The following CPED1 variants were observed in gnomAD, a reference collection of about 807,000 sequenced individuals.
CPED1 encodes the protein cadherin like and PC-esterase domain containing 1, also known as cadherin-like and PC-esterase domain-containing protein 1.
In CPED1, 114 loss-of-function variants were observed where a neutral mutation model predicts 128.2. That is an observed-to-expected ratio of 0.89 (90% CI 0.76 to 1.04). The LOEUF is 1.04. CPED1 is among the 50% of genes least tolerant of loss of function. CPED1 has a pLI of 0.00. For missense variants in CPED1, 1,211 were observed against 1,207.1 expected, an observed-to-expected ratio of 1.00 and a Z score of -0.05; for synonymous variants, 462 against 426.7, an observed-to-expected ratio of 1.08 and a Z score of -1.02.
At chr7:121,028,363 T>C (rs982022174) in intron 3 of CPED1, among the ~76,000 whole-genome samples, 15 of 152,180 alleles carry the variant, frequency 9.9e-5, no homozygotes, top group African/African-American at 3.1e-4. Flanking sequence ...ATTTAAGTAG[T>C]TAGTAGCCAA....
At chr7:121,021,501 C>T (rs1398397317) in intron 3 of CPED1, among the ~76,000 whole-genome samples, 1 of 151,894 alleles carries the variant, frequency 6.6e-6, no homozygotes, top group Non-Finnish European at 1.5e-5. Context: ...TCACATTTTT[C>T]TTTTTATTTG....
chr7:121,076,523 C>T (rs935034010), intron 5 of CPED1: 8 of 152,128 alleles, frequency 5.3e-5, no homozygotes, highest in Non-Finnish European at 8.8e-5. Context: ...TGGAGATGAA[C>T]AAGTAATTTT....
At chr7:121,089,675 A>G (rs1377429994) in intron 5 of CPED1, among the ~76,000 whole-genome samples, 1 of 152,190 alleles carries the variant, frequency 6.6e-6, no homozygotes, top group African/African-American at 2.4e-5. Context: ...AAAAAAGTTT[A>G]CTATTAATAA....
intron 16 of CPED1, among the ~76,000 whole-genome samples, chr7:121,225,656 T>C (rs1797988891): frequency 6.6e-6 from 1 of 152,164 alleles, no homozygotes; most frequent in Non-Finnish European, 1.5e-5. Context: ...GTCCCATATT[T>C]CTTGGAGGCT....
chr7:121,103,533 G>T (rs1467375638), intron 7 of CPED1, among the ~76,000 whole-genome samples: 1 of 152,040 alleles, frequency 6.6e-6, no homozygotes, highest in Non-Finnish European at 1.5e-5. Context: ...GCTTTCTACT[G>T]GTATTTTTAG....
In CPED1 at chr7:121,186,390, A is replaced by G. The variant is rs142239890; in HGVS notation, c.2055+44249A>G. Among the ~76,000 whole-genome samples, 789 of 152,274 alleles carry G rather than the reference A, an allele frequency of 5.2e-3. 2 individuals carry two copies. Among genetic ancestry groups the G allele is most frequent in the Non-Finnish European group, 7.9e-3 (536 of 67,990 alleles). ...TGTGGGACACTAGCACTTATCTGTT[A>G]TTATAAAATGAGTCCTCATAGCTCT... On this transcript the variant is annotated intron_variant, in intron 16 of 22. Coordinates refer to ENST00000310396, the MANE Select transcript of CPED1 (RefSeq NM_024913.5).
At chr7:121,009,498 T>C (rs1224440253) in intron 2 of CPED1, among the ~76,000 whole-genome samples, 1 of 151,632 alleles carries the variant, frequency 6.6e-6, no homozygotes, top group East Asian at 1.9e-4. Context: ...TCCTAGCTAC[T>C]TGGGAGGCTG....
intron 16 of CPED1, among the ~76,000 whole-genome samples, chr7:121,170,350 A>T (rs1232879944): frequency 6.6e-6 from 1 of 152,046 alleles, no homozygotes; most frequent in Non-Finnish European, 1.5e-5. Flanking sequence ...GGAGTAGCTG[A>T]ATTTTTCTGG....
chr7:121,048,514 T>C (rs1451376423), intron 4 of CPED1, among the ~76,000 whole-genome samples: 1 of 151,922 alleles, frequency 6.6e-6, no homozygotes. Context: ...TTTAACCTCT[T>C]AACGTTTTTT....
At chr7:121,244,169 C>A (rs775142971) in intron 17 of CPED1, 33 bp from the exon 18 acceptor site, 1 of 1,614,006 alleles carries the variant, frequency 6.2e-7, no homozygotes. Context: ...CCAGCAGAAA[C>A]AGAACCAAAG....
intron 7 of CPED1, among the ~76,000 whole-genome samples, chr7:121,117,692 G>C (rs1021964124): frequency 1.3e-5 from 2 of 152,076 alleles, no homozygotes; most frequent in African/African-American, 4.8e-5. Context: ...GACTCCCCAA[G>C]GGGCTCAGAG....
chr7:121,098,486 C>T (rs922015721), intron 6 of CPED1, among the ~76,000 whole-genome samples: 1 of 151,746 alleles, frequency 6.6e-6, no homozygotes, highest in African/African-American at 2.4e-5. Context: ...GATCCCAGTG[C>T]TTTGGGAGGT....
At chr7:121,023,695 T>C (rs1167494224) in intron 3 of CPED1, among the ~76,000 whole-genome samples, 2 of 152,124 alleles carry the variant, frequency 1.3e-5, no homozygotes, top group Non-Finnish European at 2.9e-5. Context: ...GGTGGCCCTC[T>C]TGGACTAATA....
At chr7:121,166,929 T>C (rs1057495274) in intron 16 of CPED1, among the ~76,000 whole-genome samples, 5 of 152,070 alleles carry the variant, frequency 3.3e-5, no homozygotes, top group Non-Finnish European at 7.4e-5. Context: ...AAAGAGTGCG[T>C]CTGGTGTTTG....
At chr7:121,023,781 TCC>T (rs1053019033) in intron 3 of CPED1, among the ~76,000 whole-genome samples, 1 of 152,050 alleles carries the variant, frequency 6.6e-6, no homozygotes. Flanking sequence ...CTCATTTCTT[TCC>T]CCCCTCTAGC....
chr7:121,048,202 G>C (rs569711935), intron 4 of CPED1, among the ~76,000 whole-genome samples: 2 of 152,260 alleles, frequency 1.3e-5, no homozygotes, highest in South Asian at 4.1e-4. Context: ...ACGTTTCCAG[G>C]CTTCAGGCTT....
intron 4 of CPED1, among the ~76,000 whole-genome samples, chr7:121,050,176 C>G (rs1793310363): frequency 6.6e-6 from 1 of 152,196 alleles, no homozygotes; most frequent in Non-Finnish European, 1.5e-5. Flanking sequence ...TTGTCATTTA[C>G]AATTGCAAAT....
chr7:121,220,162 G>A (rs1471073473), intron 16 of CPED1, among the ~76,000 whole-genome samples: 1 of 152,028 alleles, frequency 6.6e-6, no homozygotes, highest in Non-Finnish European at 1.5e-5. Context: ...ACATAACAAA[G>A]TTGAAGAAGC....
chr7:121,192,855 T>G (rs541433892), intron 16 of CPED1, among the ~76,000 whole-genome samples: 1 of 152,278 alleles, frequency 6.6e-6, no homozygotes, highest in African/African-American at 2.4e-5. Context: ...AAAATAGATA[T>G]GATTTTTATG....
Sources: gnomAD v4.1 joint callset for allele counts (sites outside exome capture counted in the v4.1 genomes callset) on GRCh38, gnomAD v4.1.1 for gene constraint, MANE v1.5 for transcripts, NCBI Gene and HGNC (gene_info 2026-07-23, HGNC 2026-07-21) for gene names.